CCDC178: variants seen among roughly 807,000 people sequenced by gnomAD.
CCDC178 encodes the protein coiled-coil domain-containing protein 178.
Under a neutral mutation model 117.4 loss-of-function variants are expected in CCDC178, and 126 were observed. The ratio of observed to expected loss-of-function variants is 1.07; its 90% CI spans 0.93 to 1.24. The LOEUF (loss-of-function observed/expected upper bound fraction) is 1.24, where lower values mean the gene tolerates loss of function less well. CCDC178 is among the 50% of genes most tolerant of loss of function. The pLI is 0.00. For synonymous variants in CCDC178, 283 were observed against 313.4 expected (o/e 0.90, Z 1.02); for missense variants, 1,030 against 986.9 (o/e 1.04, Z -0.59).
At chr18:32,960,704 C>A (rs1454580504) in intron 22 of CCDC178, among the ~76,000 whole-genome samples, 2 of 152,208 alleles carry the variant, frequency 1.3e-5, no homozygotes, top group African/African-American at 4.8e-5. Flanking sequence ...TTCACCCATA[C>A]AGGCCTTCTA....
intron 5 of CCDC178, among the ~76,000 whole-genome samples, chr18:33,373,166 G>A (rs1432059367): frequency 6.6e-6 from 1 of 152,114 alleles, no homozygotes; most frequent in Non-Finnish European, 1.5e-5. Context: ...ACCTTTCACT[G>A]ACATTAGAGT....
chr18:33,289,621 T>TA (rs1024724248), intron 12 of CCDC178, among the ~76,000 whole-genome samples: 39 of 147,584 alleles, frequency 2.6e-4, no homozygotes, highest in East Asian at 2.0e-3. Flanking sequence ...TCCCAAGAAA[T>TA]AAAAAAAAAC....
intron 2 of CCDC178, among the ~76,000 whole-genome samples, chr18:33,415,373 A>T (rs1026187986): frequency 6.6e-6 from 1 of 152,188 alleles, no homozygotes; most frequent in African/African-American, 2.4e-5. Context: ...ATGCAGCCAT[A>T]AAAAATGATG....
intron 15 of CCDC178, among the ~76,000 whole-genome samples, chr18:33,242,277 G>C (rs1442880550): frequency 1.3e-5 from 2 of 151,670 alleles, no homozygotes; most frequent in Non-Finnish European, 3.0e-5. Flanking sequence ...AGACCTAACT[G>C]TAAGACCCCA....
intron 20 of CCDC178, among the ~76,000 whole-genome samples, chr18:33,148,911 C>G (rs1339206133): frequency 1.3e-5 from 2 of 152,148 alleles, no homozygotes; most frequent in African/African-American, 2.4e-5. Context: ...AGGTGTGGTC[C>G]CCTCACCCCA....
intron 21 of CCDC178, among the ~76,000 whole-genome samples, chr18:33,044,028 T>TATACAC (rs1555632597): frequency 1.1e-3 from 163 of 150,880 alleles, no homozygotes; most frequent in African/African-American, 3.7e-3. Flanking sequence ...ACAATATATA[T>TATACAC]ACACACACAC....
intron 9 of CCDC178, among the ~76,000 whole-genome samples, chr18:33,336,607 A>G (rs776662357): frequency 1.3e-5 from 2 of 152,112 alleles, no homozygotes; most frequent in African/African-American, 2.4e-5. Flanking sequence ...TCAAAACTCA[A>G]TGAATAACTA....
intron 11 of CCDC178, among the ~76,000 whole-genome samples, chr18:33,304,163 T>C (rs1440979165): frequency 6.6e-6 from 1 of 152,200 alleles, no homozygotes; most frequent in African/African-American, 2.4e-5. Flanking sequence ...AGTTGCTAAA[T>C]TCATTACTAT....
At chr18:33,185,948 C>T (rs538992151) in intron 20 of CCDC178, among the ~76,000 whole-genome samples, 40 of 152,036 alleles carry the variant, frequency 2.6e-4, no homozygotes, top group Non-Finnish European at 5.2e-4. Context: ...CCACTACCAA[C>T]ACCACCAACA....
chr18:33,097,093 T>C (rs1375081699), intron 20 of CCDC178, among the ~76,000 whole-genome samples: 2 of 152,096 alleles, frequency 1.3e-5, no homozygotes, highest in African/African-American at 4.8e-5. Context: ...TCTCCTTCCT[T>C]TGAACCTGGG....
At chr18:33,224,960 ATCAT>A in intron 16 of CCDC178, 24 bp from the exon 17 acceptor site, 1 of 1,485,138 alleles carries the variant, frequency 6.7e-7, no homozygotes, top group Middle Eastern at 1.8e-4. Flanking sequence ...TTTTAAATAA[ATCAT>A]TCAGTTATTA....
At chr18:33,018,837 A>T (rs1482413378) in intron 21 of CCDC178, among the ~76,000 whole-genome samples, 1 of 150,760 alleles carries the variant, frequency 6.6e-6, no homozygotes, top group East Asian at 1.9e-4. Flanking sequence ...CTGTGAATAT[A>T]AAAAAAATCA....
At position 33,226,798 on chromosome 18, in the gene CCDC178, G is replaced by A; in HGVS notation, c.1651C>T (p.Leu551Phe). Residue 551 changes from leucine (L) to phenylalanine (F), a missense_variant, in exon 16 of 23, where the codon CTT becomes TTT. Physicochemically the swap from Leu to Phe is conservative, Grantham distance 22. Transcript: ENST00000383096. ...TAAAACCAAATCAGTATTACCTGAA[G>A]CACCATTCCAGCAGCCACTTCACCT... The part of the protein sequence containing the change: ...TQGEVAAGMV[L>F]QKKLYSIYEV... 6.3e-7 allele frequency: 1 copy of A among 1,576,568 alleles called. No homozygotes were observed. Among genetic ancestry groups the A allele is most frequent in the Non-Finnish European group, 8.6e-7 (1 of 1,156,768 alleles).
chr18:32,955,964 T>C (rs1332588038), intron 22 of CCDC178, among the ~76,000 whole-genome samples: 1 of 152,206 alleles, frequency 6.6e-6, no homozygotes, highest in Non-Finnish European at 1.5e-5. Flanking sequence ...ATCCATGTGC[T>C]AGCCATCATG....
chr18:33,048,770 T>C (rs949811813), intron 21 of CCDC178, among the ~76,000 whole-genome samples: 3 of 152,152 alleles, frequency 2.0e-5, no homozygotes, highest in Non-Finnish European at 4.4e-5. Flanking sequence ...CAAAAATAGA[T>C]AGTGAAAAAG....
intron 9 of CCDC178, among the ~76,000 whole-genome samples, chr18:33,335,814 C>T (rs2062732156): frequency 6.6e-6 from 1 of 152,148 alleles, no homozygotes; most frequent in South Asian, 2.1e-4. Flanking sequence ...ATATCTGACA[C>T]ATTTTGAGTA....
Position 33,267,248 on chromosome 18 carries a change from CT to C in CCDC178, c.1225del (p.Ser409ValfsTer41), listed in dbSNP as rs776009907. On this transcript the variant is annotated frameshift_variant, in exon 13 of 23. Transcript: ENST00000383096. LOFTEE classifies it high-confidence loss of function. Reference sequence around the variant, plus strand: ...TGCTTCCAGATACTGATTTTCATGACTTTTTTGCTTCCAGGTTAGTTGGTCA... The same window carrying C: ...TGCTTCCAGATACTGATTTTCATGACTTTTTGCTTCCAGGTTAGTTGGTCA... ...VYDQLTWKQK[S>X]HENQYLEAVN... is the part of the protein sequence containing the mutation. 4 of 1,605,066 alleles carry C rather than the reference CT, an allele frequency of 2.5e-6. No homozygotes were observed. Among genetic ancestry groups the C allele is most frequent in the East Asian group, 2.2e-5 (1 of 44,574 alleles).
At chr18:33,263,331 T>C (rs2059773252) in intron 14 of CCDC178, among the ~76,000 whole-genome samples, 1 of 152,170 alleles carries the variant, frequency 6.6e-6, no homozygotes, top group African/African-American at 2.4e-5. Context: ...TGATAAAGAT[T>C]TCTAAACAAA....
chr18:33,245,459 T>C, intron 14 of CCDC178, 31 bp from the exon 15 acceptor site: 1 of 1,451,970 alleles, frequency 6.9e-7, no homozygotes. Context: ...TTAATATTAT[T>C]GAGTATATAG....
Sources: allele counts gnomAD v4.1 joint callset (sites outside exome capture counted in the v4.1 genomes callset), GRCh38; gene constraint gnomAD v4.1.1; transcripts MANE v1.5; gene names NCBI Gene and HGNC (gene_info 2026-07-23, HGNC 2026-07-21).